ARHGEF9: variants seen among roughly 807,000 people sequenced by gnomAD.
The protein encoded by ARHGEF9 is rho guanine nucleotide exchange factor 9.
Under a neutral mutation model 41.3 loss-of-function variants are expected in ARHGEF9, and 2 were observed. The observed-to-expected ratio is 0.05, with a 90% CI of 0.02 to 0.15. The LOEUF (loss-of-function observed/expected upper bound fraction) is 0.15, where lower values mean the gene tolerates loss of function less well. Ranked by LOEUF, ARHGEF9 falls within the 10% of genes least tolerant of loss-of-function variation. The pLI, the probability that ARHGEF9 is intolerant of heterozygous loss-of-function variation, is 1.00. For missense variants in ARHGEF9, 225 were observed against 424.7 expected (o/e 0.53, Z 4.13); for synonymous variants, 160 against 154.4 (o/e 1.04, Z -0.27).
intron 8 of ARHGEF9, among the ~76,000 whole-genome samples, chrX:63,646,702 T>A (rs1287483134): frequency 3.6e-5 from 4 of 112,292 alleles, no homozygotes; most frequent in African/African-American, 1.3e-4. Context: ...AGGATTGACT[T>A]GGCAATGCGG....
chrX:63,761,728 A>G (rs2056037896), intron 1 of ARHGEF9, among the ~76,000 whole-genome samples: 1 of 111,708 alleles, frequency 9.0e-6, no homozygotes, highest in African/African-American at 3.3e-5. Flanking sequence ...TTCCCTCAAG[A>G]AAAACTGCCT....
At chrX:63,771,729 G>A (rs1214084571) in intron 1 of ARHGEF9, among the ~76,000 whole-genome samples, 2 of 110,891 alleles carry the variant, frequency 1.8e-5, no homozygotes, top group Non-Finnish European at 3.8e-5. Context: ...ACCGCGACTG[G>A]CTAATTTTTG....
intron 1 of ARHGEF9, among the ~76,000 whole-genome samples, chrX:63,776,995 C>T (rs1233526323): frequency 8.9e-6 from 1 of 111,844 alleles, no homozygotes; most frequent in Non-Finnish European, 1.9e-5. Flanking sequence ...TAGTCATCTC[C>T]TCCCGCTAAA....
Position 63,635,575 on chromosome X carries a change from A to G in ARHGEF9, c.*2453T>C. 1.4e-5 allele frequency: 6 copies of G among 427,581 alleles called. No homozygotes were observed. Among genetic ancestry groups the G allele is most frequent in the East Asian group, 8.8e-5 (2 of 22,621 alleles). 35.2% of individuals were successfully genotyped at this position (427,581 alleles called of 1,213,427 possible). A position where few individuals can be genotyped will look rare whatever the true frequency, so the allele number is the denominator to read the frequency against. ...ATAGGCTGAGGGAATACTCCAACCA[A>G]TGGGGAAATGATTTCTTGTTGTTCA... is the stretch of plus-strand genomic sequence containing the variant. On this transcript the variant is annotated 3_prime_UTR_variant, in exon 10 of 10. Coordinates refer to ENST00000671741, the MANE Select transcript of ARHGEF9 (RefSeq NM_001353921.2).
At chrX:63,734,289 G>C (rs1411732050) in intron 1 of ARHGEF9, among the ~76,000 whole-genome samples, 69 of 112,288 alleles carry the variant, frequency 6.1e-4, no homozygotes, top group African/African-American at 2.0e-3. Flanking sequence ...ATGTTGGCTA[G>C]AGAAGGTCCT....
At chrX:63,784,314 C>T (rs1379315853) in intron 1 of ARHGEF9, among the ~76,000 whole-genome samples, 1 of 112,679 alleles carries the variant, frequency 8.9e-6, no homozygotes, top group African/African-American at 3.2e-5. Context: ...ACCACTTCCT[C>T]TCTGCAAAAG....
Position 63,695,744 on chromosome X carries a change from A to G in ARHGEF9, c.582+1381T>C, listed in dbSNP as rs782781803. Among the ~76,000 whole-genome samples the G allele has an allele frequency of 4.4e-4, 49 of 111,989 alleles. 1 individual carries two copies. Among genetic ancestry groups the G allele is most frequent in the African/African-American group, 1.5e-3 (45 of 30,814 alleles). On this transcript the variant is annotated intron_variant, in intron 4 of 9. Transcript: ENST00000671741. ...CTGATAAGAGTGGCTCACTGTGTCC[A>G]GACTGCCTGTACAAACAATGTGGTT...
chrX:63,702,576 G>T (rs112631274), intron 3 of ARHGEF9, among the ~76,000 whole-genome samples: 3 of 112,210 alleles, frequency 2.7e-5, no homozygotes, highest in Non-Finnish European at 3.8e-5. Context: ...GAGGGAAAAA[G>T]AATGTCCTCT....
chrX:63,738,910 A>T (rs1241102395), intron 1 of ARHGEF9, among the ~76,000 whole-genome samples: 7 of 111,413 alleles, frequency 6.3e-5, no homozygotes, highest in African/African-American at 2.3e-4. Context: ...GAAAGACTCC[A>T]GGAAATCTGA....
At chrX:63,761,331 T>C (rs368125470) in intron 1 of ARHGEF9, among the ~76,000 whole-genome samples, 295 of 112,083 alleles carry the variant, frequency 2.6e-3, no homozygotes, top group Non-Finnish European at 3.8e-3. Flanking sequence ...TATTGATTTA[T>C]TGTCTCCTTT....
At chrX:63,731,804 G>A (rs1433437318) in intron 1 of ARHGEF9, among the ~76,000 whole-genome samples, 1 of 110,446 alleles carries the variant, frequency 9.1e-6, no homozygotes. Context: ...CAGGTGATCC[G>A]CCTGCCTTGG....
At chrX:63,654,138 G>C (rs1310081237) in intron 8 of ARHGEF9, among the ~76,000 whole-genome samples, 1 of 99,703 alleles carries the variant, frequency 1.0e-5, no homozygotes, top group Non-Finnish European at 2.0e-5. Context: ...CAATGGAAGT[G>C]ATTTACTGTT....
chrX:63,776,977 T>C (rs782723324), intron 1 of ARHGEF9, among the ~76,000 whole-genome samples: 1 of 111,919 alleles, frequency 8.9e-6, no homozygotes, highest in African/African-American at 3.2e-5. Flanking sequence ...GAGACTGTAC[T>C]ACTGTACTAG....
chrX:63,655,976 T>C (rs1556335695), intron 7 of ARHGEF9, among the ~76,000 whole-genome samples: 1 of 111,924 alleles, frequency 8.9e-6, no homozygotes, highest in Non-Finnish European at 1.9e-5. Context: ...CCAGAATCAA[T>C]CCTTGGACGT....
intron 1 of ARHGEF9, chrX:63,754,397 CTCTG>C (rs2055846365): frequency 2.5e-6 from 3 of 1,187,310 alleles, no homozygotes; most frequent in East Asian, 3.0e-5. Context: ...CTTTCCCTGT[CTCTG>C]TCTGTGATTT....
intron 1 of ARHGEF9, among the ~76,000 whole-genome samples, chrX:63,760,265 G>A (rs1470890800): frequency 9.0e-6 from 1 of 110,535 alleles, no homozygotes; most frequent in African/African-American, 3.3e-5. Flanking sequence ...AGTCCCTCAT[G>A]CTTGCTACAG....
intron 5 of ARHGEF9, among the ~76,000 whole-genome samples, chrX:63,674,745 C>G (rs1334183109): frequency 9.0e-6 from 1 of 111,332 alleles, no homozygotes; most frequent in Non-Finnish European, 1.9e-5. Flanking sequence ...TTACTGGGGC[C>G]CATTGTATGA....
At chrX:63,662,944 T>C (rs782728581) in intron 7 of ARHGEF9, among the ~76,000 whole-genome samples, 9 of 112,164 alleles carry the variant, frequency 8.0e-5, no homozygotes, top group Non-Finnish European at 1.1e-4. Context: ...GCAATTCCAC[T>C]TGGGACATCA....
intron 9 of ARHGEF9, chrX:63,640,820 C>G (rs1319574381): frequency 1.8e-5 from 2 of 111,316 alleles, no homozygotes; most frequent in African/African-American, 6.5e-5. Context: ...CCCTCACTTC[C>G]TGTGATGGGT....
Sources: gnomAD v4.1 joint callset for allele counts (sites outside exome capture counted in the v4.1 genomes callset) on GRCh38, gnomAD v4.1.1 for gene constraint, MANE v1.5 for transcripts, NCBI Gene and HGNC (gene_info 2026-07-23, HGNC 2026-07-21) for gene names.